Variants in PLGLB2 observed in about 807,000 individuals in gnomAD.
PLGLB2 encodes the protein plasminogen-like protein B.
At chr2:87,754,744 T>TAA (rs3838218) in intron 3 of PLGLB2, among the ~76,000 whole-genome samples, 317 of 146,840 alleles carry the variant, frequency 2.2e-3, no homozygotes, top group Non-Finnish European at 1.5e-3. Flanking sequence ...GTACCAGATT[T>TAA]AAAAAAAAAA....
intron 3 of PLGLB2, chr2:87,756,358 T>G (rs1471045815): frequency 1.5e-5 from 2 of 137,136 alleles, no homozygotes; most frequent in Non-Finnish European, 3.2e-5. Context: ...GGGTTGGATC[T>G]CTTTCAGCCT....
At chr2:87,750,907 C>A (rs1470957365) in intron 1 of PLGLB2, among the ~76,000 whole-genome samples, 1 of 126,148 alleles carries the variant, frequency 7.9e-6, no homozygotes, top group Non-Finnish European at 1.7e-5. Flanking sequence ...ATAACCCACT[C>A]CCTCTGCCTG....
intron 1 of PLGLB2, among the ~76,000 whole-genome samples, chr2:87,748,904 G>A (rs1263255032): frequency 8.1e-6 from 1 of 124,024 alleles, no homozygotes; most frequent in Non-Finnish European, 1.7e-5. Flanking sequence ...TCGCGGTATA[G>A]GTAGGGTAGC....
rs1174150967 is a variant in PLGLB2 at position 87,757,951 on chromosome 2, TG to T, written c.*1139del. ...CATCTTCATGAGGGAACTGAGGTCT[TG>T]GGGGGTGGGGGTTACCCAAATAGGT... On this transcript the variant is annotated 3_prime_UTR_variant, in exon 4 of 4. Transcript: ENST00000359481. Among the ~76,000 whole-genome samples the T allele has an allele frequency of 1.8e-5, 1 of 54,646 alleles. No homozygotes were observed. The highest frequency in any genetic ancestry group is 7.3e-5 in the African/African-American group (1 of 13,714). The allele number at this position is 54,646 out of a possible 152,430, so 35.8% of individuals were successfully genotyped here. A position where few individuals can be genotyped will look rare whatever the true frequency, so the allele number is the denominator to read the frequency against.
intron 1 of PLGLB2, among the ~76,000 whole-genome samples, chr2:87,750,779 G>A (rs528627893): frequency 1.7e-4 from 26 of 150,474 alleles, no homozygotes; most frequent in African/African-American, 5.6e-4. Context: ...AAACCAGTGC[G>A]CTCTGCAGTG....
Position 87,757,344 on chromosome 2 carries a change from TGTC to T in PLGLB2, c.*528_*530del, listed in dbSNP as rs1684774447. ...AAGCAGACAGAAAGAATCTTTTTGA[TGTC>T]GATGTTCAACTATTTTTGGCACCAT... On this transcript the variant is annotated 3_prime_UTR_variant, in exon 4 of 4. Coordinates refer to ENST00000359481, the MANE Select transcript of PLGLB2 (RefSeq NM_002665.4). 2.7e-5 allele frequency: 1 copy of T among 36,938 alleles called. No individual in the cohort carries two copies. The allele number at this position is 36,938 out of a possible 1,614,324, so 2.3% of individuals were successfully genotyped here.
intron 3 of PLGLB2, among the ~76,000 whole-genome samples, chr2:87,755,306 C>T (rs1475337951): frequency 9.8e-5 from 10 of 101,818 alleles, no homozygotes; most frequent in Admixed American, 9.8e-4. Flanking sequence ...CCCAAGCACA[C>T]GCCCTCCTGC....
intron 1 of PLGLB2, among the ~76,000 whole-genome samples, chr2:87,750,186 C>T (rs2138303): frequency 9.2e-5 from 14 of 151,824 alleles, no homozygotes; most frequent in East Asian, 5.9e-4. Flanking sequence ...AGCAGCGATG[C>T]GCTATGAAGT....
chr2:87,756,095 C>T (rs1177283989), intron 3 of PLGLB2: 1 of 24,896 alleles, frequency 4.0e-5, no homozygotes, highest in Middle Eastern at 7.2e-3. Flanking sequence ...AGAAACGACT[C>T]GTTGTAAGCA....
intron 1 of PLGLB2, among the ~76,000 whole-genome samples, chr2:87,748,994 T>C (rs1369965247): frequency 1.5e-5 from 2 of 129,118 alleles, no homozygotes; most frequent in African/African-American, 6.3e-5. Context: ...TTCTCAAATC[T>C]GGGAAATAAA....
At chr2:87,754,845 A>G (rs1355235555) in intron 3 of PLGLB2, among the ~76,000 whole-genome samples, 1 of 146,442 alleles carries the variant, frequency 6.8e-6, no homozygotes. Context: ...GAACATGGGA[A>G]TGACTGTAGG....
intron 1 of PLGLB2, among the ~76,000 whole-genome samples, chr2:87,749,997 C>A (rs1399444999): frequency 6.8e-6 from 1 of 146,102 alleles, no homozygotes; most frequent in South Asian, 2.2e-4. Context: ...TATTTTTCCA[C>A]TAAAAGATTT....
intron 1 of PLGLB2, among the ~76,000 whole-genome samples, chr2:87,749,003 A>C (rs1481398736): frequency 7.7e-6 from 1 of 130,014 alleles, no homozygotes; most frequent in East Asian, 2.2e-4. Context: ...CTGGGAAATA[A>C]AGAAAACTGG....
At chr2:87,753,122 T>G in intron 2 of PLGLB2, among the ~76,000 whole-genome samples, 6 of 141,530 alleles carry the variant, frequency 4.2e-5, no homozygotes, top group Non-Finnish European at 3.1e-5. Flanking sequence ...GGGGCCAGGG[T>G]GGGGTGGAAT....
In PLGLB2 at chr2:87,750,456, T is replaced by C. The variant is rs533715590; in HGVS notation, c.50-1791T>C. 2.0e-5 allele frequency among the ~76,000 whole-genome samples: 3 copies of C among 152,066 alleles called. No homozygotes were observed. In the South Asian group the frequency reaches 6.2e-4, roughly 32 times the overall value. Reference sequence around the variant, plus strand: ...AAAGTGCGGGGTAAAGACATGGATATGGGCCTAAAGCATCTATTTCTTTGT... The same window carrying C: ...AAAGTGCGGGGTAAAGACATGGATACGGGCCTAAAGCATCTATTTCTTTGT... On this transcript the variant is annotated intron_variant, in intron 1 of 3. Coordinates refer to ENST00000359481, the MANE Select transcript of PLGLB2 (RefSeq NM_002665.4).
At chr2:87,751,363 GTCA>G (rs1558711367) in intron 1 of PLGLB2, 1 of 146,800 alleles carries the variant, frequency 6.8e-6, no homozygotes, top group Non-Finnish European at 1.5e-5. Flanking sequence ...TTGTGTGACT[GTCA>G]TCAGCCCAGT....
intron 3 of PLGLB2, among the ~76,000 whole-genome samples, chr2:87,754,674 TAA>T (rs1276572574): frequency 2.7e-5 from 4 of 147,186 alleles, no homozygotes; most frequent in South Asian, 2.2e-4. Flanking sequence ...CTTTATCTGG[TAA>T]AGTTATTAGT....
At chr2:87,750,824 C>T (rs1684634453) in intron 1 of PLGLB2, among the ~76,000 whole-genome samples, 1 of 138,702 alleles carries the variant, frequency 7.2e-6, no homozygotes, top group Admixed American at 7.1e-5. Context: ...ACCTCATCTT[C>T]CCTGGAGGGC....
intron 1 of PLGLB2, among the ~76,000 whole-genome samples, chr2:87,750,331 A>G (rs1226518067): frequency 3.9e-4 from 59 of 149,732 alleles, no homozygotes; most frequent in African/African-American, 1.3e-3. Flanking sequence ...TCACCGTAGG[A>G]CACACTTTGT....
Sources: allele counts gnomAD v4.1 joint callset (sites outside exome capture counted in the v4.1 genomes callset), GRCh38; gene constraint gnomAD v4.1.1; transcripts MANE v1.5; gene names NCBI Gene and HGNC (gene_info 2026-07-23, HGNC 2026-07-21).